NBAS: variants seen among roughly 807,000 people sequenced by gnomAD.
The protein encoded by NBAS is NAG/BC035112 fusion.
In NBAS, 219 loss-of-function variants were observed where a neutral mutation model predicts 302.5. That is an observed-to-expected ratio of 0.72 (90% CI 0.65 to 0.81). NBAS has a LOEUF of 0.81. Ranked by LOEUF, NBAS falls within the 30% of genes least tolerant of loss-of-function variation. NBAS has a pLI of 0.00. For synonymous variants in NBAS, 1,118 were observed against 1,021.6 expected (o/e 1.09, Z -1.80); for missense variants, 2,932 against 2,841.6 (o/e 1.03, Z -0.72).
chr2:15,439,014 G>C (rs556112938), intron 21 of NBAS, among the ~76,000 whole-genome samples: 1 of 152,064 alleles, frequency 6.6e-6, no homozygotes, highest in African/African-American at 2.4e-5. Context: ...AATATTACCC[G>C]GCCGGGCACG....
the NBAS span, among the ~76,000 whole-genome samples, chr2:15,085,013 G>A: frequency 0.01 from 1,572 of 152,300 alleles, 38 homozygotes; most frequent in African/African-American, 0.036. Flanking sequence ...GGGAGGAGGC[G>A]GACAGCGCCC....
At chr2:15,263,768 A>G (rs1341690058) in intron 44 of NBAS, among the ~76,000 whole-genome samples, 1 of 152,056 alleles carries the variant, frequency 6.6e-6, no homozygotes, top group Non-Finnish European at 1.5e-5. Context: ...CACTGACTCT[A>G]TTATTAACCA....
chr2:14,956,982 G>C, the NBAS span, among the ~76,000 whole-genome samples: 3 of 152,090 alleles, frequency 2.0e-5, no homozygotes, highest in African/African-American at 7.2e-5. Flanking sequence ...AAGTCATCAG[G>C]GTAGTCCCTC....
At chr2:14,900,112 C>CTTTT in the NBAS span, among the ~76,000 whole-genome samples, 471 of 140,626 alleles carry the variant, frequency 3.3e-3, 8 homozygotes, top group African/African-American at 1.0e-2. Flanking sequence ...AAGTCACATG[C>CTTTT]TTTTTTTTTT....
At chr2:15,110,065 A>G in the NBAS span, among the ~76,000 whole-genome samples, 11 of 152,248 alleles carry the variant, frequency 7.2e-5, no homozygotes, top group South Asian at 1.0e-3. Flanking sequence ...GACTAGTAAA[A>G]GCTGTCAATG....
chr2:15,123,144 G>C, the NBAS span, among the ~76,000 whole-genome samples: 3 of 152,284 alleles, frequency 2.0e-5, no homozygotes, highest in Middle Eastern at 3.4e-3. Flanking sequence ...CCAGCATGCT[G>C]AGTCATCCTG....
intron 9 of NBAS, among the ~76,000 whole-genome samples, chr2:15,529,568 TAAAC>T (rs1470565890): frequency 6.6e-6 from 1 of 152,080 alleles, no homozygotes; most frequent in Non-Finnish European, 1.5e-5. Context: ...AAACCTCACT[TAAAC>T]AATAAAACGG....
intron 9 of NBAS, among the ~76,000 whole-genome samples, chr2:15,528,030 T>A (rs190555519): frequency 6.9e-4 from 105 of 152,246 alleles, no homozygotes; most frequent in African/African-American, 2.4e-3. Context: ...GCCCTTCCCA[T>A]GTCCTATCTC....
chr2:15,022,742 A>T, the NBAS span, among the ~76,000 whole-genome samples: 1 of 152,268 alleles, frequency 6.6e-6, no homozygotes, highest in South Asian at 2.1e-4. Context: ...GGATTATTGG[A>T]TGGCCTTGTA....
rs558741427 is a variant in NBAS, at chr2:15,399,612, C to T, written c.3071+2556G>A. Reference sequence around the variant, plus strand: ...AGATGCTGAGTCCACTCTGATTTACCTTTCCCTACATGAAGAAGGAAGGAA... The same window carrying T: ...AGATGCTGAGTCCACTCTGATTTACTTTTCCCTACATGAAGAAGGAAGGAA... On this transcript the variant is annotated intron_variant, in intron 26 of 51. Transcript: ENST00000281513. 3.3e-5 allele frequency among the ~76,000 whole-genome samples: 5 copies of T among 152,160 alleles called. No homozygotes were observed. In the South Asian group the frequency reaches 1.0e-3, roughly 32 times the overall value.
the NBAS span, among the ~76,000 whole-genome samples, chr2:15,128,971 C>T: frequency 1.3e-5 from 2 of 152,184 alleles, no homozygotes; most frequent in African/African-American, 4.8e-5. Context: ...GGGAAAGGGT[C>T]CAGGAAATGT....
the NBAS span, among the ~76,000 whole-genome samples, chr2:15,012,775 G>T: frequency 6.6e-6 from 1 of 152,026 alleles, no homozygotes; most frequent in Admixed American, 6.6e-5. Context: ...AAAGAAAACT[G>T]TCAACCAAGA....
the NBAS span, among the ~76,000 whole-genome samples, chr2:14,882,667 C>A: frequency 6.6e-6 from 1 of 152,270 alleles, no homozygotes; most frequent in South Asian, 2.1e-4. Flanking sequence ...CTCTTCCCAC[C>A]AAATGATTTC....
At chr2:15,492,513 C>T (rs752066301) in intron 11 of NBAS, among the ~76,000 whole-genome samples, 1 of 152,114 alleles carries the variant, frequency 6.6e-6, no homozygotes, top group Non-Finnish European at 1.5e-5. Context: ...CTGGAGTGCA[C>T]TGGCACGATC....
chr2:14,815,722 C>A, the NBAS span, among the ~76,000 whole-genome samples: 1 of 152,160 alleles, frequency 6.6e-6, no homozygotes, highest in East Asian at 1.9e-4. Flanking sequence ...ATCCAGTGTT[C>A]TACAGGACAT....
rs142865129 is a variant in NBAS at position 15,533,523 on chromosome 2, T to G, written c.746+1020A>C. On this transcript the variant is annotated intron_variant, in intron 9 of 51. Transcript: ENST00000281513. ...TTGTATGTCTTCTGTGTGATTCCATTTACGTGAAGTCAAAACAGCAAAACT... is the reference window on the plus strand; with the variant it reads ...TTGTATGTCTTCTGTGTGATTCCATGTACGTGAAGTCAAAACAGCAAAACT... Among the ~76,000 whole-genome samples, 467 of 152,246 alleles carry G rather than the reference T, an allele frequency of 3.1e-3. 1 individual carries two copies. The highest frequency in any genetic ancestry group is 0.01 in the African/African-American group (433 of 41,546).
intron 6 of NBAS, among the ~76,000 whole-genome samples, chr2:15,550,967 A>G (rs1664354668): frequency 6.6e-6 from 1 of 152,112 alleles, no homozygotes; most frequent in South Asian, 2.1e-4. Flanking sequence ...AAGAAATCTC[A>G]TGGGATTTAA....
At chr2:14,963,155 C>A in the NBAS span, among the ~76,000 whole-genome samples, 1 of 152,008 alleles carries the variant, frequency 6.6e-6, no homozygotes, top group African/African-American at 2.4e-5. Context: ...GTAATCCCAG[C>A]TACTCAGGAG....
intron 9 of NBAS, among the ~76,000 whole-genome samples, chr2:15,513,606 GT>G (rs778219715): frequency 3.2e-4 from 46 of 143,110 alleles, no homozygotes; most frequent in African/African-American, 4.1e-4. Flanking sequence ...AATGGCCTGG[GT>G]TTTTTTTTTT....
Sources: allele counts gnomAD v4.1 joint callset (sites outside exome capture counted in the v4.1 genomes callset), GRCh38; gene constraint gnomAD v4.1.1; transcripts MANE v1.5; gene names NCBI Gene and HGNC (gene_info 2026-07-23, HGNC 2026-07-21).